The following SPSB4 variants were observed in gnomAD, a reference collection of about 807,000 sequenced individuals.
SPSB4 encodes splA/ryanodine receptor domain and SOCS box containing 4.
Under a neutral mutation model 20.9 loss-of-function variants are expected in SPSB4, and 21 were observed. That is an observed-to-expected ratio of 1.01 (90% confidence interval 0.71 to 1.45). The LOEUF is 1.45. Among genes scored for constraint, SPSB4 ranks in the 40% most tolerant of loss-of-function variants. The pLI is 0.00. For synonymous variants in SPSB4, 207 were observed against 183.8 expected, an observed-to-expected ratio of 1.13 and a Z score of -1.02; for missense variants, 399 against 399.2, an observed-to-expected ratio of 1.00 and a Z score of 0.00.
intron 1 of SPSB4, among the ~76,000 whole-genome samples, chr3:141,054,445 A>G (rs1346534026): frequency 6.6e-6 from 1 of 152,282 alleles, no homozygotes; most frequent in African/African-American, 2.4e-5. Flanking sequence ...TTAATAAAAC[A>G]TGGTTCCTAC....
intron 2 of SPSB4, among the ~76,000 whole-genome samples, chr3:141,111,313 T>C (rs556736753): frequency 6.9e-6 from 1 of 144,224 alleles, no homozygotes; most frequent in African/African-American, 2.5e-5. Context: ...TGTTATACCA[T>C]ACATAGCATA....
At chr3:141,129,942 G>A (rs189400821) in intron 2 of SPSB4, among the ~76,000 whole-genome samples, 12 of 152,348 alleles carry the variant, frequency 7.9e-5, no homozygotes, top group African/African-American at 2.4e-4. Context: ...TGTGGATGAC[G>A]CTTGTTGGCA....
At chr3:141,077,920 C>G (rs1328474288) in intron 2 of SPSB4, among the ~76,000 whole-genome samples, 1 of 152,222 alleles carries the variant, frequency 6.6e-6, no homozygotes, top group Non-Finnish European at 1.5e-5. Context: ...GCTCAGGCAC[C>G]CCATCACTGC....
chr3:141,135,592 GT>G (rs1420717749), intron 2 of SPSB4, among the ~76,000 whole-genome samples: 1 of 151,152 alleles, frequency 6.6e-6, no homozygotes, highest in Non-Finnish European at 1.5e-5. Context: ...AACATGCAGT[GT>G]TTGGTTTTTT....
intron 2 of SPSB4, among the ~76,000 whole-genome samples, chr3:141,088,033 A>G (rs910185377): frequency 2.1e-4 from 32 of 152,304 alleles, no homozygotes; most frequent in African/African-American, 7.2e-4. Flanking sequence ...GAGACACAGC[A>G]TCAGGGTGAT....
rs138854574 is a variant in SPSB4, at chr3:141,104,418, C to T, written c.694+37620C>T. Among the ~76,000 whole-genome samples, 1,483 of 152,260 alleles carry T rather than the reference C, an allele frequency of 9.7e-3. 29 individuals carry two copies. The highest frequency in any genetic ancestry group is 0.034 in the African/African-American group (1,424 of 41,554). On this transcript the variant is annotated intron_variant, in intron 2 of 2. Transcript: ENST00000310546. ...CTGGGGCCAGACTGTGACCTGGACA[C>T]GCTGCAGACACCTCCCAGGTGGCTG...
chr3:141,091,920 C>T (rs1166061939), intron 2 of SPSB4, among the ~76,000 whole-genome samples: 2 of 151,962 alleles, frequency 1.3e-5, no homozygotes, highest in South Asian at 2.1e-4. Flanking sequence ...GCAGGTAGAG[C>T]TCATTCCCTA....
At chr3:141,057,756 G>A (rs1283101708) in intron 1 of SPSB4, among the ~76,000 whole-genome samples, 4 of 152,342 alleles carry the variant, frequency 2.6e-5, no homozygotes, top group East Asian at 1.9e-4. Flanking sequence ...AGAACCTGTC[G>A]AGGATTTTGA....
At chr3:141,080,857 T>C (rs554370974) in intron 2 of SPSB4, among the ~76,000 whole-genome samples, 34 of 152,108 alleles carry the variant, frequency 2.2e-4, no homozygotes, top group Non-Finnish European at 3.2e-4. Context: ...GTACCCAGAG[T>C]CTGGTGTGGG....
In SPSB4 at chr3:141,066,801, A is replaced by G. The variant is rs1937895590; in HGVS notation, c.694+3A>G. The G allele has an allele frequency of 1.3e-6, 2 of 1,535,518 alleles. No homozygotes were observed. The highest frequency in any genetic ancestry group is 1.3e-5 in the South Asian group (1 of 78,616). On this transcript the variant is annotated splice_donor_region_variant and intron_variant, in intron 2 of 2. Coordinates refer to ENST00000310546, the MANE Select transcript of SPSB4 (RefSeq NM_080862.3). ...GCGCTACATCAACGGCCTTGACCGT[A>G]AGTTGTGCTGGGCTGGGGGGCAGGG... is the stretch of plus-strand genomic sequence containing the variant.
intron 2 of SPSB4, among the ~76,000 whole-genome samples, chr3:141,067,457 C>T (rs1937909357): frequency 6.6e-6 from 1 of 152,146 alleles, no homozygotes; most frequent in African/African-American, 2.4e-5. Flanking sequence ...AGAAATCTAG[C>T]TTGTGTGAAC....
chr3:141,094,161 G>C (rs1358686364), intron 2 of SPSB4, among the ~76,000 whole-genome samples: 1 of 152,214 alleles, frequency 6.6e-6, no homozygotes, highest in Non-Finnish European at 1.5e-5. Flanking sequence ...CCCTGAGGCT[G>C]ACACTGCGTA....
At position 141,106,022 on chromosome 3, in the gene SPSB4, T is replaced by C. The variant is rs146627432; in HGVS notation, c.694+39224T>C. Among the ~76,000 whole-genome samples, 1,481 of 152,308 alleles carry C rather than the reference T, an allele frequency of 9.7e-3. 29 individuals are homozygous for C. The highest frequency in any genetic ancestry group is 0.034 in the African/African-American group (1,422 of 41,564). The stretch of plus-strand genomic sequence containing the variant: ...AAATCAAGAGCAAAGACAACAGCTA[T>C]GGGCCATTGGAAGGGACTACAATTT... On this transcript the variant is annotated intron_variant, in intron 2 of 2. Coordinates refer to ENST00000310546, the MANE Select transcript of SPSB4 (RefSeq NM_080862.3).
In SPSB4 at chr3:141,125,189, T is replaced by C. The variant is rs1939033088; in HGVS notation, c.695-21953T>C. On this transcript the variant is annotated intron_variant, in intron 2 of 2. Transcript: ENST00000310546. ...AAGGGGAGATGTGCCTTTATATAAT[T>C]TTTTTCATATGAAGAACTGATTCCT... Among the ~76,000 whole-genome samples, 6 of 152,184 alleles carry C rather than the reference T, an allele frequency of 3.9e-5. No individual in the cohort carries two copies. In the South Asian group the frequency reaches 8.3e-4, roughly 21 times the overall value.
chr3:141,142,856 A>G lies in SPSB4; in HGVS notation c.695-4286A>G, dbSNP rs545788607. ...TTTTGAGACAGAGTCTCGCTCTGTC[A>G]CCCAGCCTGGAGTGCAGTGGCATGA... On this transcript the variant is annotated intron_variant, in intron 2 of 2. Transcript: ENST00000310546. Among the ~76,000 whole-genome samples the G allele has an allele frequency of 9.5e-5, 11 of 115,980 alleles. No individual in the cohort carries two copies. The South Asian group carries it at 1.1e-3, about 12-fold the overall frequency. The allele number at this position is 115,980 out of a possible 152,430, so 76.1% of individuals were successfully genotyped here. A position where few individuals can be genotyped will look rare whatever the true frequency, so the allele number is the denominator to read the frequency against.
intron 2 of SPSB4, among the ~76,000 whole-genome samples, chr3:141,112,631 C>T (rs1270124288): frequency 9.2e-5 from 9 of 97,482 alleles, no homozygotes; most frequent in Non-Finnish European, 1.5e-4. Flanking sequence ...GGCGACAGAG[C>T]GAGACTCCGT....
chr3:141,061,887 C>T lies in SPSB4; in HGVS notation c.-153-4065C>T, dbSNP rs749201980. On this transcript the variant is annotated intron_variant, in intron 1 of 2. Transcript: ENST00000310546. Reference sequence around the variant, plus strand: ...AGTAGCTGGGACTACAGGCGTGTGCCGCCACACCTGGCTAATTTTATTTTT... The same window carrying T: ...AGTAGCTGGGACTACAGGCGTGTGCTGCCACACCTGGCTAATTTTATTTTT... Among the ~76,000 whole-genome samples, 8 of 152,142 alleles carry T rather than the reference C, an allele frequency of 5.3e-5. No individual in the cohort carries two copies. The South Asian group carries it at 8.3e-4, about 16-fold the overall frequency.
At chr3:141,142,680 T>C (rs1301723194) in intron 2 of SPSB4, among the ~76,000 whole-genome samples, 2 of 152,206 alleles carry the variant, frequency 1.3e-5, no homozygotes, top group African/African-American at 4.8e-5. Context: ...ATCTCATTTC[T>C]TATGTCTAGT....
At chr3:141,119,935 G>A (rs1460621376) in intron 2 of SPSB4, among the ~76,000 whole-genome samples, 2 of 151,972 alleles carry the variant, frequency 1.3e-5, no homozygotes, top group African/African-American at 4.8e-5. Flanking sequence ...TCTGATCTTA[G>A]TTATTTCTTG....
Sources: gnomAD v4.1 joint callset for allele counts (sites outside exome capture counted in the v4.1 genomes callset) on GRCh38, gnomAD v4.1.1 for gene constraint, MANE v1.5 for transcripts, NCBI Gene and HGNC (gene_info 2026-07-23, HGNC 2026-07-21) for gene names.